ACTG2: variants seen among roughly 807,000 people sequenced by gnomAD.
The protein encoded by ACTG2 is actin, gamma-enteric smooth muscle.
ACTG2 carries 16 observed loss-of-function variants against 37.6 expected under a neutral mutation model. The observed-to-expected ratio is 0.43, with a 90% CI of 0.29 to 0.65. The LOEUF (loss-of-function observed/expected upper bound fraction) is 0.65, where lower values mean the gene tolerates loss of function less well. Among genes scored for constraint, ACTG2 ranks in the 30% least tolerant of loss-of-function variants. The pLI, the probability that ACTG2 is intolerant of heterozygous loss-of-function variation, is 0.18. For synonymous variants in ACTG2, 181 were observed against 179.9 expected (o/e 1.01, Z -0.05); for missense variants, 238 against 490.9 (o/e 0.48, Z 4.87).
intron 3 of ACTG2, among the ~76,000 whole-genome samples, chr2:73,906,392 A>T (rs1212716864): frequency 6.6e-6 from 1 of 152,160 alleles, no homozygotes; most frequent in Non-Finnish European, 1.5e-5. Flanking sequence ...CGGAGCTTGC[A>T]GTGAGCCGAG....
Position 73,901,329 on chromosome 2 carries a change from C to T in ACTG2, c.18C>T (p.Thr6=), listed in dbSNP as rs1291028624. The T allele has an allele frequency of 2.5e-6, 4 of 1,609,928 alleles. No homozygotes were observed. In the African/African-American group the frequency reaches 4.0e-5, roughly 16 times the overall value. ...CACACACCATGTGTGAAGAGGAGAC[C>T]ACCGCGCTCGTGTGTGACAATGGCT... MCEEE[T]TALVCDNGSG... is the part of the protein sequence containing the mutation. Residue 6 remains threonine (T), a synonymous_variant, in exon 2 of 9, where the codon ACC becomes ACT. Coordinates refer to ENST00000345517, the MANE Select transcript of ACTG2 (RefSeq NM_001615.4).
chr2:73,919,817 G>A lies in ACTG2; in HGVS notation c.*242G>A, dbSNP rs1680340965. The A allele has an allele frequency of 2.8e-6, 1 of 355,074 alleles. No individual in the cohort carries two copies. The highest frequency in any genetic ancestry group is 5.0e-6 in the Non-Finnish European group (1 of 199,780). 22.0% of individuals were successfully genotyped at this position (355,074 alleles called of 1,614,324 possible). On this transcript the variant is annotated 3_prime_UTR_variant, in exon 9 of 9. Coordinates refer to ENST00000345517, the MANE Select transcript of ACTG2 (RefSeq NM_001615.4). ...TGAGGCTCAGAGAAGTCAAGGACTT[G>A]CGAAGATCACACAGATTCCAGATTA...
At chr2:73,896,076 G>A (rs1371186300) in intron 1 of ACTG2, among the ~76,000 whole-genome samples, 1 of 152,170 alleles carries the variant, frequency 6.6e-6, no homozygotes, top group Non-Finnish European at 1.5e-5. Context: ...GCTTGCACCT[G>A]TAATCCCAAC....
intron 3 of ACTG2, chr2:73,908,289 G>A (rs1289545828): frequency 2.1e-6 from 1 of 472,246 alleles, no homozygotes; most frequent in Non-Finnish European, 4.4e-6. Context: ...CTACTTTCCA[G>A]CCTCTTGCAG....
intron 6 of ACTG2, among the ~76,000 whole-genome samples, chr2:73,914,228 T>C (rs1680203613): frequency 6.6e-6 from 1 of 152,146 alleles, no homozygotes; most frequent in African/African-American, 2.4e-5. Flanking sequence ...CTTGACCCTC[T>C]TCGCGGCAAG....
rs1680065350 is a variant in ACTG2, at chr2:73,908,667, C to T, written c.256-6C>T. The T allele has an allele frequency of 6.3e-7, 1 of 1,597,018 alleles. No individual in the cohort carries two copies. The highest frequency in any genetic ancestry group is 1.3e-5 in the African/African-American group (1 of 74,328). On this transcript the variant is annotated splice_region_variant and splice_polypyrimidine_tract_variant and intron_variant, in intron 3 of 8. Coordinates refer to ENST00000345517, the MANE Select transcript of ACTG2 (RefSeq NM_001615.4). ...GCCAGGCTCATATGGCTTTTGTCTC[C>T]ACTAGATCTGGCACCACTCCTTCTA...
At chr2:73,896,882 G>A (rs1679758473) in intron 1 of ACTG2, 1 of 152,250 alleles carries the variant, frequency 6.6e-6, no homozygotes, top group African/African-American at 2.4e-5. Context: ...GGAAACCACA[G>A]TGACTTTGAC....
chr2:73,913,694 G>A, intron 6 of ACTG2, 48 bp downstream of exon 6: 1 of 1,522,056 alleles, frequency 6.6e-7, no homozygotes, highest in African/African-American at 1.4e-5. Flanking sequence ...AACCAATCTG[G>A]TTTAGGACAA....
At chr2:73,907,118 C>G (rs1369881652) in intron 3 of ACTG2, among the ~76,000 whole-genome samples, 1 of 152,196 alleles carries the variant, frequency 6.6e-6, no homozygotes, top group Non-Finnish European at 1.5e-5. Context: ...ATTTAAATCC[C>G]TCAGATAATG....
rs199962888 is a variant in ACTG2 at position 73,914,768 on chromosome 2, T to C, written c.702T>C (p.Ser234=). 44 of 1,612,692 alleles carry C rather than the reference T, an allele frequency of 2.7e-5. No individual in the cohort carries two copies. Among genetic ancestry groups the C allele is most frequent in the Non-Finnish European group, 3.1e-5 (37 of 1,179,304 alleles). The stretch of plus-strand genomic sequence containing the variant: ...ATGAGATGGCCACAGCAGCTTCCTC[T>C]TCCTCCCTGGAGAAGAGCTATGAGC... The part of the protein sequence containing the change: ...FENEMATAAS[S]SSLEKSYELP... The change falls in exon 7 of 9, where the codon TCT becomes TCC. Residue 234 remains serine, a synonymous_variant. Transcript: ENST00000345517.
chr2:73,906,149 T>C (rs962518656), intron 3 of ACTG2, among the ~76,000 whole-genome samples: 11 of 152,066 alleles, frequency 7.2e-5, no homozygotes, highest in Non-Finnish European at 1.6e-4. Flanking sequence ...GGGAGATTTT[T>C]ATTCCATTAA....
Position 73,902,476 on chromosome 2 carries a change from T to C in ACTG2, c.243T>C (p.Asp81=). ...PIEHGIITNW[D]DMEKIWHHSF... is the part of the protein sequence containing the mutation. Reference sequence around the variant, plus strand: ...AACACGGCATCATCACCAACTGGGATGACATGGAGAAGGTATCTGTAGACT... The same window carrying C: ...AACACGGCATCATCACCAACTGGGACGACATGGAGAAGGTATCTGTAGACT... The change falls in exon 3 of 9, where the codon GAT becomes GAC. Residue 81 remains aspartate, a synonymous_variant. Transcript: ENST00000345517. 6.2e-7 allele frequency: 1 copy of C among 1,614,110 alleles called. No individual in the cohort carries two copies. The highest frequency in any genetic ancestry group is 8.5e-7 in the Non-Finnish European group (1 of 1,180,016).
At position 73,913,613 on chromosome 2, in the gene ACTG2, C is replaced by T. The variant is rs1158193628; in HGVS notation, c.580C>T (p.Leu194Phe). 36 of 1,613,682 alleles carry T rather than the reference C, an allele frequency of 2.2e-5. No individual in the cohort carries two copies. Among genetic ancestry groups the T allele is most frequent in the Non-Finnish European group, 3.0e-5 (35 of 1,179,788 alleles). ...CCTCACGGACTACCTCATGAAGATC[C>T]TCACAGAGAGAGGCTATTCCTTTGT... Reference protein sequence around the residue: ...RDLTDYLMKILTERGYSFVTT... With the variant: ...RDLTDYLMKIFTERGYSFVTT... Residue 194 changes from leucine (L) to phenylalanine (F), a missense_variant, in exon 6 of 9, where the codon CTC becomes TTC. Transcript: ENST00000345517.
chr2:73,897,741 A>G (rs764954942), intron 1 of ACTG2, among the ~76,000 whole-genome samples: 9 of 152,226 alleles, frequency 5.9e-5, no homozygotes, highest in Non-Finnish European at 1.2e-4. Flanking sequence ...GGGACATCCA[A>G]GATCAAGGCA....
In ACTG2 at chr2:73,916,780, AG is replaced by A; in HGVS notation, c.987+16del. On this transcript the variant is annotated intron_variant, in intron 8 of 8. Transcript: ENST00000345517. ...TGAAGATCAAGGTGGGTCTTGCCTC[AG>A]TTGTCTCCATCCTGTTCTTTGTATA... 6 of 1,611,416 alleles carry A rather than the reference AG, an allele frequency of 3.7e-6. No homozygotes were observed. The highest frequency in any genetic ancestry group is 5.1e-6 in the Non-Finnish European group (6 of 1,178,756).
intron 8 of ACTG2, among the ~76,000 whole-genome samples, chr2:73,918,496 A>C (rs1653249): frequency 0.55 from 84,353 of 152,038 alleles, 24,630 homozygotes; most frequent in Non-Finnish European, 0.63. Flanking sequence ...GATTTAGGGA[A>C]TATGTAAAGA....
rs58042852 is a variant in ACTG2, at chr2:73,901,532, ATG to A, written c.126+143_126+144del. ...CTGAGCTGGGGGTTAGGGGAAGGAA[ATG>A]TGTGTGTGTGTGTGTGTGTGTGTGT... On this transcript the variant is annotated intron_variant, in intron 2 of 8. Transcript: ENST00000345517. 8.4e-3 allele frequency: 9,618 copies of A among 1,142,572 alleles called. 38 individuals are homozygous for A. Among genetic ancestry groups the A allele is most frequent in the African/African-American group, 0.042 (2,201 of 52,424 alleles). The allele number at this position is 1,142,572 out of a possible 1,614,324, so 70.8% of individuals were successfully genotyped here. A position where few individuals can be genotyped will look rare whatever the true frequency, so the allele number is the denominator to read the frequency against.
At chr2:73,901,582 CTGTGCGT>C (rs1558622420) in intron 2 of ACTG2, 145 bp downstream of exon 2, 34 of 52,850 alleles carry the variant, frequency 6.4e-4, no homozygotes, top group African/African-American at 5.0e-3. Context: ...GTGTGTGTGT[CTGTGCGT>C]GTGTGTGTGT....
chr2:73,914,474 G>T (rs1042114761), intron 6 of ACTG2, among the ~76,000 whole-genome samples: 4 of 150,912 alleles, frequency 2.7e-5, no homozygotes, highest in African/African-American at 9.8e-5. Flanking sequence ...CAGGAGAATT[G>T]CTTGAACTCA....
Sources: gnomAD v4.1 joint callset for allele counts (sites outside exome capture counted in the v4.1 genomes callset) on GRCh38, gnomAD v4.1.1 for gene constraint, MANE v1.5 for transcripts, NCBI Gene and HGNC (gene_info 2026-07-23, HGNC 2026-07-21) for gene names.